The following KMT2C variants were observed in gnomAD, a reference collection of about 807,000 sequenced individuals.
KMT2C encodes lysine methyltransferase 2C.
KMT2C carries 88 observed loss-of-function variants against 507.9 expected under a neutral mutation model. That is an observed-to-expected ratio of 0.17 (90% CI 0.15 to 0.21). The LOEUF (loss-of-function observed/expected upper bound fraction) is 0.21. Ranked by LOEUF, KMT2C falls within the 10% of genes least tolerant of loss-of-function variation. The pLI is 1.00. For synonymous variants in KMT2C, 2,049 were observed against 2,080.8 expected (o/e 0.98, Z 0.42); for missense variants, 4,954 against 5,957.8 (o/e 0.83, Z 5.55).
intron 7 of KMT2C, among the ~76,000 whole-genome samples, chr7:152,272,696 G>A (rs2095999996): frequency 6.6e-6 from 1 of 152,038 alleles, no homozygotes; most frequent in African/African-American, 2.4e-5. Context: ...TGTACACTAG[G>A]TTACTAATGG....
At chr7:152,231,581 G>C (rs1588430481) in intron 16 of KMT2C, among the ~76,000 whole-genome samples, 1 of 152,228 alleles carries the variant, frequency 6.6e-6, no homozygotes, top group Non-Finnish European at 1.5e-5. Context: ...AGGAGTTCGA[G>C]ACCAGCCTGG....
At chr7:152,145,022 G>C in intron 54 of KMT2C, 131 bp downstream of exon 54, 6 of 1,361,304 alleles carry the variant, frequency 4.4e-6, no homozygotes, top group Non-Finnish European at 6.0e-6. Flanking sequence ...CACACGGCGA[G>C]TTCTCTTATG....
rs143783723 is a variant in KMT2C at position 152,163,627 on chromosome 7, G to C, written c.9950C>G (p.Thr3317Arg). 6.2e-7 allele frequency: 1 copy of C among 1,611,014 alleles called. No homozygotes were observed. The highest frequency in any genetic ancestry group is 8.5e-7 in the Non-Finnish European group (1 of 1,178,272). Residue 3317 changes from threonine (T) to arginine (R), a missense_variant, in exon 43 of 59, where the codon ACA becomes AGA. Physicochemically the swap from Thr to Arg is moderately conservative, Grantham distance 71. Around this residue, in one of 29 missense-constraint regions of KMT2C, gnomAD observed 801 missense variants for 751.2 expected, o/e 1.07. Transcript: ENST00000262189. Reference sequence around the variant, plus strand: ...GCTAGTATGGCCAGAAATAACTGTTGTGTGCTGCTGGTGCTGAAGCTGCTG... The same window carrying C: ...GCTAGTATGGCCAGAAATAACTGTTCTGTGCTGCTGGTGCTGAAGCTGCTG... ...VPQQLQHQQH[T>R]TVISGHTSPV...
chr7:152,224,328 T>C, intron 19 of KMT2C, 107 bp downstream of exon 19: 1 of 1,279,242 alleles, frequency 7.8e-7, no homozygotes, highest in Non-Finnish European at 1.1e-6. Flanking sequence ...TATCATAGAA[T>C]ATGTGTATTA....
Position 152,182,226 on chromosome 7 carries a change from T to G in KMT2C, c.5634A>C (p.Ser1878=), listed in dbSNP as rs558012126. The part of the protein sequence containing the change: ...LSQAQTSQPP[S]PQVFSPGSSN... Reference sequence around the variant, plus strand: ...AGGACCCAGGTGAAAACACTTGCGGTGAGGGTGGCTGAGAAGTCTGAGCCT... The same window carrying G: ...AGGACCCAGGTGAAAACACTTGCGGGGAGGGTGGCTGAGAAGTCTGAGCCT... Residue 1878 remains serine, a synonymous_variant, in exon 36 of 59, where the codon TCA becomes TCC. Transcript: ENST00000262189. 192 of 1,613,826 alleles carry G rather than the reference T, an allele frequency of 1.2e-4. 2 individuals are homozygous for G. The South Asian group carries it at 1.2e-3, about 10-fold the overall frequency.
Position 152,176,777 on chromosome 7 carries a change from A to G in KMT2C, c.8676T>C (p.Asn2892=). ...TNRETAGPSA[N]VIQASTQLPA... is the part of the protein sequence containing the mutation. ...GTAGTTGAGTGGATGCCTGAATGAC[A>G]TTTGCACTGGGGCCAGCAGTTTCTC... The change falls in exon 38 of 59, where the codon AAT becomes AAC. Residue 2892 remains asparagine (N), a synonymous_variant. Coordinates refer to ENST00000262189, the MANE Select transcript of KMT2C (RefSeq NM_170606.3). 1 of 1,614,130 alleles carries G rather than the reference A, an allele frequency of 6.2e-7. No homozygotes were observed. The highest frequency in any genetic ancestry group is 8.5e-7 in the Non-Finnish European group (1 of 1,180,018).
At chr7:152,271,603 G>A (rs201187491) in intron 7 of KMT2C, among the ~76,000 whole-genome samples, 5 of 151,064 alleles carry the variant, frequency 3.3e-5, no homozygotes, top group African/African-American at 1.2e-4. Flanking sequence ...GAACCTGGAA[G>A]GCGGAGTTTG....
chr7:152,196,116 G>C, intron 27 of KMT2C, 105 bp from the exon 28 acceptor site: 1 of 491,024 alleles, frequency 2.0e-6, no homozygotes, highest in Non-Finnish European at 3.5e-6. Context: ...GCAAGTACTG[G>C]AATAAAAACC....
At chr7:152,262,977 T>C (rs1330263586) in intron 9 of KMT2C, 39 bp downstream of exon 9, 30 of 1,478,330 alleles carry the variant, frequency 2.0e-5, no homozygotes, top group Middle Eastern at 1.8e-4. Context: ...ATATAAAACA[T>C]AGAGAGGATT....
intron 2 of KMT2C, among the ~76,000 whole-genome samples, chr7:152,334,493 T>C (rs1368977642): frequency 6.6e-6 from 1 of 152,138 alleles, no homozygotes; most frequent in Non-Finnish European, 1.5e-5. Context: ...ACAAAATCCA[T>C]ACTCTTCATC....
intron 53 of KMT2C, 116 bp downstream of exon 53, chr7:152,146,483 A>T: frequency 3.1e-6 from 3 of 956,214 alleles, no homozygotes; most frequent in Non-Finnish European, 4.8e-6. Flanking sequence ...GAAACGGGTT[A>T]ATGCACAGGC....
At chr7:152,220,462 A>C in intron 23 of KMT2C, 61 bp downstream of exon 23, 1 of 1,319,026 alleles carries the variant, frequency 7.6e-7, no homozygotes, top group Non-Finnish European at 1.1e-6. Flanking sequence ...CATATTTCAA[A>C]AGTTACTTTA....
At chr7:152,366,195 C>T (rs1467727083) in intron 1 of KMT2C, among the ~76,000 whole-genome samples, 2 of 151,976 alleles carry the variant, frequency 1.3e-5, no homozygotes, top group Admixed American at 6.5e-5. Context: ...GTTTCTCAAG[C>T]AGTTAAAAAT....
At chr7:152,430,904 T>G (rs2097857709) in intron 1 of KMT2C, among the ~76,000 whole-genome samples, 2 of 152,122 alleles carry the variant, frequency 1.3e-5, no homozygotes, top group African/African-American at 2.4e-5. Context: ...ACGAAGCCCC[T>G]CCATCATAAA....
At position 152,182,211 on chromosome 7, in the gene KMT2C, T is replaced by C; in HGVS notation, c.5649A>G (p.Ser1883=). ...TSQPPSPQVF[S]PGSSNSRPPS... The stretch of plus-strand genomic sequence containing the variant: ...GTGGTCGTGAGTTAGAGGACCCAGG[T>C]GAAAACACTTGCGGTGAGGGTGGCT... Residue 1883 remains serine (S), a synonymous_variant, in exon 36 of 59, where the codon TCA becomes TCG. Coordinates refer to ENST00000262189, the MANE Select transcript of KMT2C (RefSeq NM_170606.3). 6.2e-7 allele frequency: 1 copy of C among 1,613,944 alleles called. No individual in the cohort carries two copies. The highest frequency in any genetic ancestry group is 1.3e-5 in the African/African-American group (1 of 74,938).
intron 57 of KMT2C, 113 bp downstream of exon 57, chr7:152,139,073 G>C: frequency 9.2e-7 from 1 of 1,084,978 alleles, no homozygotes. Flanking sequence ...TGCTCTGAAT[G>C]TTTAGTCACC....
intron 4 of KMT2C, chr7:152,312,211 T>C (rs1353665298): frequency 2.0e-5 from 5 of 252,210 alleles, no homozygotes; most frequent in Non-Finnish European, 3.8e-5. Flanking sequence ...GTTTTTCCAT[T>C]CCATAATATA....
intron 18 of KMT2C, among the ~76,000 whole-genome samples, chr7:152,226,191 G>A (rs1319559734): frequency 7.0e-6 from 1 of 142,140 alleles, no homozygotes; most frequent in African/African-American, 2.6e-5. Flanking sequence ...GGTAGAGTAA[G>A]ACAAGAGTTG....
At chr7:152,389,580 T>A (rs2097472673) in intron 1 of KMT2C, among the ~76,000 whole-genome samples, 1 of 152,096 alleles carries the variant, frequency 6.6e-6, no homozygotes, top group Admixed American at 6.6e-5. Context: ...TAGCTGGGAC[T>A]ACAGGCATGC....
Sources: gnomAD v4.1 joint callset for allele counts (sites outside exome capture counted in the v4.1 genomes callset) on GRCh38, gnomAD v4.1.1 for gene constraint, gnomAD v4.1.1 regional missense constraint, MANE v1.5 for transcripts, NCBI Gene and HGNC (gene_info 2026-07-23, HGNC 2026-07-21) for gene names.